RIMBP2: variants seen among roughly 807,000 people sequenced by gnomAD.
RIMBP2 encodes RIMS-binding protein 2.
RIMBP2 carries 48 observed loss-of-function variants against 118.6 expected under a neutral mutation model. The observed-to-expected ratio is 0.40, with a 90% CI of 0.32 to 0.51. The LOEUF (loss-of-function observed/expected upper bound fraction) is 0.51. RIMBP2 is among the 20% of genes least tolerant of loss of function. RIMBP2 has a pLI of 0.41. For synonymous variants in RIMBP2, 762 were observed against 742.9 expected (o/e 1.03, Z -0.42); for missense variants, 1,551 against 1,768.3 (o/e 0.88, Z 2.20).
rs577259965 is a variant in RIMBP2 at position 130,710,563 on chromosome 12, T to C, written c.-352+5659A>G. ...AAAATGTGAGTCAGTATTTAGCAGG[T>C]GCTTAAAGGTTTGCTGAATGAATAG... On this transcript the variant is annotated intron_variant, in intron 1 of 22. Coordinates refer to ENST00000690449, the MANE Select transcript of RIMBP2 (RefSeq NM_001393629.1). The surrounding 1 kb of genome is among the most constrained non-coding windows in gnomAD (Gnocchi z 4.3). 2.0e-5 allele frequency among the ~76,000 whole-genome samples: 3 copies of C among 152,254 alleles called. No homozygotes were observed. The highest frequency in any genetic ancestry group is 7.2e-5 in the African/African-American group (3 of 41,554).
At chr12:130,443,838 G>C (rs2078322134) in intron 10 of RIMBP2, among the ~76,000 whole-genome samples, 1 of 152,188 alleles carries the variant, frequency 6.6e-6, no homozygotes, top group South Asian at 2.1e-4. Context: ...GATGGTGATA[G>C]CTACTATTTA....
intron 4 of RIMBP2, among the ~76,000 whole-genome samples, chr12:130,502,339 A>G (rs2049881362): frequency 6.6e-6 from 1 of 152,172 alleles, no homozygotes; most frequent in Admixed American, 6.5e-5. Context: ...CGGGGGTAAT[A>G]CATACAGTTC....
intron 7 of RIMBP2, among the ~76,000 whole-genome samples, chr12:130,454,658 G>A (rs2079269655): frequency 6.6e-6 from 1 of 152,274 alleles, no homozygotes; most frequent in African/African-American, 2.4e-5. Flanking sequence ...CTGCCAGGCG[G>A]CCCTGGCTTA....
intron 4 of RIMBP2, among the ~76,000 whole-genome samples, chr12:130,482,875 GTA>G (rs2082136282): frequency 9.9e-6 from 1 of 101,310 alleles, no homozygotes; most frequent in African/African-American, 3.3e-5. Flanking sequence ...CATTGTGTGT[GTA>G]CATGTGTCAG....
At chr12:130,491,806 C>T (rs767597789) in intron 4 of RIMBP2, among the ~76,000 whole-genome samples, 15 of 152,358 alleles carry the variant, frequency 9.8e-5, no homozygotes, top group Non-Finnish European at 2.1e-4. Flanking sequence ...CAGGATTATG[C>T]GCCACGGCCA....
chr12:130,443,888 T>C (rs2078325581), intron 10 of RIMBP2, among the ~76,000 whole-genome samples: 1 of 152,164 alleles, frequency 6.6e-6, no homozygotes. Context: ...CCGAAGACCG[T>C]CGTATCTATT....
chr12:130,412,561 G>C, intron 19 of RIMBP2, 58 bp downstream of exon 19: 1 of 1,500,138 alleles, frequency 6.7e-7, no homozygotes, highest in African/African-American at 1.4e-5. Context: ...CTCTCTGAGC[G>C]GCAGGTGTTT....
intron 4 of RIMBP2, among the ~76,000 whole-genome samples, chr12:130,498,321 C>G: frequency 6.6e-6 from 1 of 152,252 alleles, no homozygotes; most frequent in East Asian, 1.9e-4. Flanking sequence ...CTCATTCATG[C>G]GTGCACTTGC....
chr12:130,606,797 C>T (rs1243877894), intron 2 of RIMBP2, among the ~76,000 whole-genome samples: 2 of 152,118 alleles, frequency 1.3e-5, no homozygotes, highest in Non-Finnish European at 2.9e-5. Flanking sequence ...TGCAAAATGT[C>T]TCCAGGCCGC....
intron 9 of RIMBP2, among the ~76,000 whole-genome samples, chr12:130,449,079 G>A (rs2078777825): frequency 1.3e-5 from 2 of 152,234 alleles, no homozygotes; most frequent in Admixed American, 1.3e-4. Context: ...GCTGCCCGAT[G>A]CCAGCTGAAG....
intron 2 of RIMBP2, among the ~76,000 whole-genome samples, chr12:130,535,728 CATATATATACATATATATATATATATAT>C (rs199545405): frequency 0.26 from 33,179 of 127,318 alleles, 4,588 homozygotes; most frequent in Admixed American, 0.31. Context: ...CATATATATA[CATATATATACATATATATATATATATAT>C]ATATATATAT....
In RIMBP2 at chr12:130,407,761, C is replaced by G. The variant is rs370980032; in HGVS notation, c.3658G>C (p.Asp1220His). The G allele has an allele frequency of 6.2e-7, 1 of 1,614,096 alleles. No individual in the cohort carries two copies. The highest frequency in any genetic ancestry group is 1.3e-5 in the African/African-American group (1 of 75,020). ...TRRMVALYDY[D>H]PRESSPNVDV... ...ACGTTGGGCGAGCTTTCTCTGGGGT[C>G]GTAGTCATACAGGGCCACCATTCTC... The change falls in exon 20 of 23, where the codon GAC becomes CAC. Residue 1220 changes from aspartate to histidine, a missense_variant. By Grantham distance (81) the Asp-to-His change is moderately conservative (BLOSUM62 -1). This residue lies in a region of RIMBP2 where 1,038 missense variants were observed against 1,125.1 expected (regional missense o/e 0.92). Transcript: ENST00000690449.
At chr12:130,612,235 C>T (rs1566365914) in intron 2 of RIMBP2, among the ~76,000 whole-genome samples, 1 of 152,146 alleles carries the variant, frequency 6.6e-6, no homozygotes, top group South Asian at 2.1e-4. Context: ...CTGTTCGCTC[C>T]TCAGCCTCAC....
chr12:130,664,447 G>GTGCATGCGCA (rs1566439284), intron 1 of RIMBP2, among the ~76,000 whole-genome samples: 1 of 122,414 alleles, frequency 8.2e-6, no homozygotes, highest in Non-Finnish European at 1.8e-5. Context: ...ACGCACACAC[G>GTGCATGCGCA]CACACACATG....
At chr12:130,524,596 G>C (rs2052562968) in intron 2 of RIMBP2, among the ~76,000 whole-genome samples, 1 of 152,220 alleles carries the variant, frequency 6.6e-6, no homozygotes, top group Non-Finnish European at 1.5e-5. Flanking sequence ...ACTTTATTTA[G>C]AATGAAATGC....
chr12:130,403,137 T>G (rs956930988), intron 21 of RIMBP2, among the ~76,000 whole-genome samples: 1 of 152,174 alleles, frequency 6.6e-6, no homozygotes, highest in Non-Finnish European at 1.5e-5. Flanking sequence ...CTCGAGATGT[T>G]TAAGGTTACA....
At chr12:130,652,269 C>T (rs1226570998) in intron 1 of RIMBP2, among the ~76,000 whole-genome samples, 1 of 152,200 alleles carries the variant, frequency 6.6e-6, no homozygotes, top group Non-Finnish European at 1.5e-5. Flanking sequence ...CACAGCCACA[C>T]CACTTGTTTA....
rs189743881 is a variant in RIMBP2 at position 130,683,251 on chromosome 12, G to T, written c.-352+32971C>A. Among the ~76,000 whole-genome samples the T allele has an allele frequency of 6.6e-6, 1 of 152,170 alleles. No homozygotes were observed. The highest frequency in any genetic ancestry group is 2.4e-5 in the African/African-American group (1 of 41,452). ...ACGGATGGCAGTGGAACCAGAGGTC[G>T]GAGTGATGTGGCCACAAGCCCAAGG... is the stretch of plus-strand genomic sequence containing the variant. On this transcript the variant is annotated intron_variant, in intron 1 of 22. Coordinates refer to ENST00000690449, the MANE Select transcript of RIMBP2 (RefSeq NM_001393629.1). This position sits in a 1 kb window ranked among gnomAD's most constrained non-coding sequence, Gnocchi z 4.4.
intron 11 of RIMBP2, among the ~76,000 whole-genome samples, chr12:130,439,279 TTGTG>T (rs1280966881): frequency 3.3e-5 from 5 of 151,800 alleles, no homozygotes; most frequent in East Asian, 3.9e-4. Context: ...TGTATGTACA[TTGTG>T]TGTGTATATG....
Sources: allele counts gnomAD v4.1 joint callset (sites outside exome capture counted in the v4.1 genomes callset), GRCh38; gene constraint gnomAD v4.1.1; regional missense constraint gnomAD v4.1.1; non-coding constraint Gnocchi (gnomAD v3.1); transcripts MANE v1.5; gene names NCBI Gene and HGNC (gene_info 2026-07-23, HGNC 2026-07-21).